SLC25A43: variants seen among roughly 807,000 people sequenced by gnomAD.
SLC25A43 encodes solute carrier family 25 member 43.
SLC25A43 carries 10 observed loss-of-function variants against 22.8 expected under a neutral mutation model. The observed-to-expected ratio is 0.44, with a 90% confidence interval of 0.27 to 0.74. SLC25A43 has a LOEUF of 0.74. Among genes scored for constraint, SLC25A43 ranks in the 30% least tolerant of loss-of-function variants. The pLI is 0.17. For synonymous variants in SLC25A43, 106 were observed against 121.6 expected, an observed-to-expected ratio of 0.87 and a Z score of 0.84; for missense variants, 233 against 279.1, an observed-to-expected ratio of 0.83 and a Z score of 1.18.
At chrX:119,428,247 G>A (rs1337891387) in intron 3 of SLC25A43, among the ~76,000 whole-genome samples, 3 of 111,817 alleles carry the variant, frequency 2.7e-5, no homozygotes, top group African/African-American at 9.7e-5. Flanking sequence ...TTGAGGTCAG[G>A]AGTTCAAGAC....
At chrX:119,420,285 G>A (rs1603296197) in intron 3 of SLC25A43, among the ~76,000 whole-genome samples, 1 of 99,464 alleles carries the variant, frequency 1.0e-5, no homozygotes, top group African/African-American at 3.8e-5. Context: ...GTCTGCGTTA[G>A]ATCCTTTTTT....
In SLC25A43 at chrX:119,449,121, A is replaced by G. The variant is rs748554028; in HGVS notation, c.691-2888A>G. Among the ~76,000 whole-genome samples, 3 of 110,896 alleles carry G rather than the reference A, an allele frequency of 2.7e-5. No homozygotes were observed. The South Asian group carries it at 1.2e-3, about 43-fold the overall frequency. On this transcript the variant is annotated intron_variant, in intron 3 of 4. Coordinates refer to ENST00000217909, the MANE Select transcript of SLC25A43 (RefSeq NM_145305.3). ...TTTAGAAATGCGTTCTGGCTGTAGT[A>G]TAAAGAATGAGGCCGGGCACGGTGG...
chrX:119,442,493 C>T (rs11798699), intron 3 of SLC25A43, among the ~76,000 whole-genome samples: 25,176 of 111,107 alleles, frequency 0.23, 2,353 homozygotes, highest in African/African-American at 0.34. Context: ...TAAATTTCCT[C>T]TTTTCAATAT....
chrX:119,408,612 G>A (rs1012782778), intron 2 of SLC25A43, among the ~76,000 whole-genome samples: 1 of 112,203 alleles, frequency 8.9e-6, no homozygotes, highest in Non-Finnish European at 1.9e-5. Flanking sequence ...TAAATGGAAG[G>A]TTGGTGAGCC....
At chrX:119,421,641 T>C (rs766610955) in intron 3 of SLC25A43, among the ~76,000 whole-genome samples, 1 of 111,981 alleles carries the variant, frequency 8.9e-6, no homozygotes, top group Non-Finnish European at 1.9e-5. Flanking sequence ...TCTGACCTAC[T>C]GTAGCACATA....
chrX:119,432,975 TGTA>T (rs1405581658), intron 3 of SLC25A43, among the ~76,000 whole-genome samples: 3 of 109,646 alleles, frequency 2.7e-5, no homozygotes, highest in Non-Finnish European at 5.7e-5. Flanking sequence ...GCCGGTTGTC[TGTA>T]ATCCCAGCTA....
intron 3 of SLC25A43, among the ~76,000 whole-genome samples, chrX:119,414,811 G>T (rs1444471458): frequency 9.3e-6 from 1 of 108,044 alleles, no homozygotes; most frequent in East Asian, 2.9e-4. Context: ...GCAGTGGTGC[G>T]ATCTCAGCTC....
rs775478319 is a variant in SLC25A43 at position 119,411,275 on chromosome X, C to T, written c.690+913C>T. 2.7e-5 allele frequency among the ~76,000 whole-genome samples: 3 copies of T among 111,290 alleles called. No homozygotes were observed. The Admixed American group carries it at 2.9e-4, about 11-fold the overall frequency. On this transcript the variant is annotated intron_variant, in intron 3 of 4. Transcript: ENST00000217909. The stretch of plus-strand genomic sequence containing the variant: ...CAGCACTTTGGGAGGCCGAGGTGGG[C>T]GGATCCCCTGAGGTCGGGAGTTCGA...
At chrX:119,407,919 ACAGG>A (rs1355721992) in intron 2 of SLC25A43, among the ~76,000 whole-genome samples, 1 of 110,085 alleles carries the variant, frequency 9.1e-6, no homozygotes, top group African/African-American at 3.3e-5. Flanking sequence ...CCTCTTTCCC[ACAGG>A]TCCTTACAAC....
At position 119,410,235 on chromosome X, in the gene SLC25A43, T is replaced by A. The variant is rs2052337613; in HGVS notation, c.563T>A (p.Leu188Gln). The stretch of plus-strand genomic sequence containing the variant: ...GGCTCCCTTCTTGTTTACATGAACC[T>A]GGAGAAAATCTGGAACGGACCCCGA... ...SAGSLLVYMN[L>Q]EKIWNGPRDQ... is the part of the protein sequence containing the mutation. The change falls in exon 3 of 5, where the codon CTG becomes CAG. Residue 188 changes from leucine to glutamine, a missense_variant. Leu to Gln is a moderately radical substitution (Grantham distance 113, BLOSUM62 -2). Transcript: ENST00000217909. 1 of 1,211,259 alleles carries A rather than the reference T, an allele frequency of 8.3e-7. No individual in the cohort carries two copies. The highest frequency in any genetic ancestry group is 1.1e-6 in the Non-Finnish European group (1 of 895,303).
intron 3 of SLC25A43, among the ~76,000 whole-genome samples, chrX:119,431,516 GAAA>G (rs11411959): frequency 1.1e-5 from 1 of 89,052 alleles, no homozygotes; most frequent in African/African-American, 4.1e-5. Flanking sequence ...GTCTCCAACA[GAAA>G]AAAAAAAAAG....
intron 1 of SLC25A43, among the ~76,000 whole-genome samples, chrX:119,405,849 T>A (rs1406797216): frequency 9.1e-6 from 1 of 110,333 alleles, no homozygotes; most frequent in East Asian, 2.9e-4. Flanking sequence ...CTGGCCAACA[T>A]GGTGAAACTC....
At chrX:119,432,220 T>C (rs1399382004) in intron 3 of SLC25A43, among the ~76,000 whole-genome samples, 1 of 111,502 alleles carries the variant, frequency 9.0e-6, no homozygotes, top group Non-Finnish European at 1.9e-5. Context: ...GAATACTAAC[T>C]GAACTCAATA....
chrX:119,430,009 T>C (rs2052539539), intron 3 of SLC25A43, among the ~76,000 whole-genome samples: 2 of 111,972 alleles, frequency 1.8e-5, no homozygotes, highest in African/African-American at 6.5e-5. Context: ...TGACCAGGGT[T>C]ATACAGATAG....
At chrX:119,408,782 TACTC>T (rs781089676) in intron 2 of SLC25A43, among the ~76,000 whole-genome samples, 92 of 111,783 alleles carry the variant, frequency 8.2e-4, no homozygotes, top group African/African-American at 2.6e-3. Flanking sequence ...CTATATTACT[TACTC>T]ACCATCTCAG....
intron 3 of SLC25A43, among the ~76,000 whole-genome samples, chrX:119,413,840 T>G (rs1225118918): frequency 1.8e-5 from 2 of 112,306 alleles, no homozygotes; most frequent in Non-Finnish European, 3.8e-5. Context: ...CAATTTCTCC[T>G]TTTTTTAATA....
intron 3 of SLC25A43, among the ~76,000 whole-genome samples, chrX:119,414,914 A>ATTTTT (rs767288270): frequency 1.8e-5 from 1 of 56,934 alleles, no homozygotes; most frequent in African/African-American, 8.1e-5. Context: ...CACCCAGCTA[A>ATTTTT]TTTTTTTTTT....
At chrX:119,446,754 G>A (rs946407251) in intron 3 of SLC25A43, among the ~76,000 whole-genome samples, 1 of 111,948 alleles carries the variant, frequency 8.9e-6, no homozygotes, top group African/African-American at 3.2e-5. Context: ...TACTCATTCA[G>A]CAAGCCATTC....
At chrX:119,432,670 T>G (rs2052562575) in intron 3 of SLC25A43, among the ~76,000 whole-genome samples, 1 of 108,142 alleles carries the variant, frequency 9.2e-6, no homozygotes, top group Admixed American at 1.0e-4. Flanking sequence ...ACACCTCTAA[T>G]CCCAGCTACT....
Sources: allele counts gnomAD v4.1 joint callset (sites outside exome capture counted in the v4.1 genomes callset), GRCh38; gene constraint gnomAD v4.1.1; transcripts MANE v1.5; gene names NCBI Gene and HGNC (gene_info 2026-07-23, HGNC 2026-07-21).